GPATCH2L: variants seen among roughly 807,000 people sequenced by gnomAD.
The protein encoded by GPATCH2L is G patch domain-containing protein 2-like.
In GPATCH2L, 31 loss-of-function variants were observed where a neutral mutation model predicts 57.4. That is an observed-to-expected ratio of 0.54 (90% CI 0.41 to 0.73). GPATCH2L has a LOEUF of 0.73. Among genes scored for constraint, GPATCH2L ranks in the 30% least tolerant of loss-of-function variants. The pLI, the probability that GPATCH2L is intolerant of heterozygous loss-of-function variation, is 0.00. For synonymous variants in GPATCH2L, 199 were observed against 210.7 expected (o/e 0.94, Z 0.48); for missense variants, 481 against 599.9 (o/e 0.80, Z 2.07).
At chr14:76,217,202 C>T (rs181807305), downstream of GPATCH2L, among the ~76,000 whole-genome samples, 343 of 152,232 alleles carry the variant, frequency 2.3e-3, 1 homozygote, top group Middle Eastern at 0.01. Flanking sequence ...AAGCTAAGAA[C>T]GGTGTTTTGT....
In GPATCH2L at chr14:76,180,869, G is replaced by A. The variant is rs367926004; in HGVS notation, c.1193+20G>A. ...TGCCAGGTAATTGTCTTTTAGTAGC[G>A]GTTATTTGCTTCTGGACAATACTAT... On this transcript the variant is annotated intron_variant, in intron 8 of 9. Transcript: ENST00000261530. 55 of 1,465,622 alleles carry A rather than the reference G, an allele frequency of 3.8e-5. No homozygotes were observed. The African/African-American group carries it at 4.2e-4, about 11-fold the overall frequency. 90.8% of individuals were successfully genotyped at this position (1,465,622 alleles called of 1,614,324 possible). A position where few individuals can be genotyped will look rare whatever the true frequency, so the allele number is the denominator to read the frequency against.
intron 3 of GPATCH2L, among the ~76,000 whole-genome samples, chr14:76,169,679 AC>A (rs1468136533): frequency 6.6e-6 from 1 of 152,176 alleles, no homozygotes; most frequent in Non-Finnish European, 1.5e-5. Context: ...CTGCTTGAGA[AC>A]CAAAAAAATT....
At chr14:76,173,650 G>T in intron 5 of GPATCH2L, 25 bp downstream of exon 5, 1 of 1,372,096 alleles carries the variant, frequency 7.3e-7, no homozygotes. Context: ...AGTTAGCTTG[G>T]CTCAGTGGGG....
intron 1 of GPATCH2L, among the ~76,000 whole-genome samples, chr14:76,226,172 A>G (rs950359797): frequency 6.6e-6 from 1 of 152,252 alleles, no homozygotes; most frequent in African/African-American, 2.4e-5. Context: ...ACATAACAGT[A>G]CTACATATAA....
At chr14:76,217,753 T>G (rs923435778), downstream of GPATCH2L, among the ~76,000 whole-genome samples, 2 of 152,144 alleles carry the variant, frequency 1.3e-5, no homozygotes, top group African/African-American at 4.8e-5. Flanking sequence ...GTAGAAGAGA[T>G]ATGAGCAGAC....
chr14:76,175,571 A>T (rs2039286149), intron 5 of GPATCH2L: 1 of 152,082 alleles, frequency 6.6e-6, no homozygotes, highest in Non-Finnish European at 1.5e-5. Context: ...CTCATTTTTC[A>T]CCCATCTTTT....
downstream of GPATCH2L, among the ~76,000 whole-genome samples, chr14:76,216,964 G>A (rs1033760951): frequency 6.6e-6 from 1 of 152,046 alleles, no homozygotes; most frequent in African/African-American, 2.4e-5. Flanking sequence ...GAGATAACTG[G>A]ATATAGTTAT....
intron 8 of GPATCH2L, among the ~76,000 whole-genome samples, 181 bp downstream of exon 8, chr14:76,181,030 G>A (rs1319710134): frequency 6.6e-6 from 1 of 152,156 alleles, no homozygotes; most frequent in Non-Finnish European, 1.5e-5. Flanking sequence ...TCTTTCCTGT[G>A]GTCCAAGGCT....
At position 76,202,233 on chromosome 14, in the gene GPATCH2L, A is replaced by C. The variant is rs1392008618; in HGVS notation, c.*382A>C. ...TGTGTAGAGCTTTTAATATCATTTG[A>C]GGAAGTTCCAAATTTGTAGCCAGTT... On this transcript the variant is annotated 3_prime_UTR_variant, in exon 10 of 10. Transcript: ENST00000261530. The C allele has an allele frequency of 6.3e-6, 1 of 159,194 alleles. No individual in the cohort carries two copies. Among genetic ancestry groups the C allele is most frequent in the Non-Finnish European group, 1.4e-5 (1 of 73,066 alleles). 9.9% of individuals were successfully genotyped at this position (159,194 alleles called of 1,614,324 possible). A position where few individuals can be genotyped will look rare whatever the true frequency, so the allele number is the denominator to read the frequency against.
At chr14:76,166,556 T>TAACA in intron 2 of GPATCH2L, 107 bp from the exon 3 acceptor site, 1 of 659,170 alleles carries the variant, frequency 1.5e-6, no homozygotes, top group Non-Finnish European at 2.8e-6. Flanking sequence ...TCTGATTGAC[T>TAACA]AACAGGTTGG....
At chr14:76,224,020 A>G (rs977491075) in intron 1 of GPATCH2L, among the ~76,000 whole-genome samples, 1 of 152,228 alleles carries the variant, frequency 6.6e-6, no homozygotes, top group Admixed American at 6.5e-5. Context: ...GGTAAACAAA[A>G]TGTGGTATAT....
intron 8 of GPATCH2L, among the ~76,000 whole-genome samples, chr14:76,187,941 A>T (rs975332795): frequency 6.6e-6 from 1 of 151,976 alleles, no homozygotes; most frequent in Non-Finnish European, 1.5e-5. Context: ...TGATTTTTAG[A>T]TCCCACAAAT....
At chr14:76,217,414 T>C (rs1415873885), downstream of GPATCH2L, among the ~76,000 whole-genome samples, 1 of 152,028 alleles carries the variant, frequency 6.6e-6, no homozygotes, top group Non-Finnish European at 1.5e-5. Context: ...GCTCTAAGTG[T>C]CCTTCATCTC....
intron 8 of GPATCH2L, among the ~76,000 whole-genome samples, chr14:76,194,505 G>GTGTGTGTGTGTA (rs1555381031): frequency 6.6e-6 from 1 of 151,764 alleles, no homozygotes; most frequent in Non-Finnish European, 1.5e-5. Flanking sequence ...GTGTGTGTGT[G>GTGTGTGTGTGTA]CACGCTCATG....
intron 8 of GPATCH2L, among the ~76,000 whole-genome samples, chr14:76,188,108 C>T (rs1451086065): frequency 6.6e-6 from 1 of 152,082 alleles, no homozygotes; most frequent in East Asian, 1.9e-4. Context: ...TTTTCTTTAT[C>T]CATCATCAGT....
At chr14:76,188,422 A>G (rs1277507952) in intron 8 of GPATCH2L, among the ~76,000 whole-genome samples, 1 of 152,090 alleles carries the variant, frequency 6.6e-6, no homozygotes, top group African/African-American at 2.4e-5. Flanking sequence ...CTGGGGTCAG[A>G]TGATGTCTCA....
chr14:76,229,476 A>G (rs138054004), intron 1 of GPATCH2L, among the ~76,000 whole-genome samples: 26 of 152,272 alleles, frequency 1.7e-4, no homozygotes, highest in African/African-American at 6.0e-4. Flanking sequence ...ACTCTTAGAA[A>G]GTGTTTTCTT....
chr14:76,172,752 A>G (rs1008752755), intron 4 of GPATCH2L, among the ~76,000 whole-genome samples: 6 of 152,254 alleles, frequency 3.9e-5, no homozygotes, highest in African/African-American at 1.4e-4. Context: ...TCAGTTGCCA[A>G]GAGTTTGTTG....
chr14:76,221,647 C>CT (rs1487037082), intron 1 of GPATCH2L, among the ~76,000 whole-genome samples: 2 of 152,042 alleles, frequency 1.3e-5, no homozygotes, highest in Admixed American at 6.6e-5. Flanking sequence ...TTATTTAACT[C>CT]TAAAAAGAAA....
Sources: gnomAD v4.1 joint callset for allele counts (sites outside exome capture counted in the v4.1 genomes callset) on GRCh38, gnomAD v4.1.1 for gene constraint, MANE v1.5 for transcripts, NCBI Gene and HGNC (gene_info 2026-07-23, HGNC 2026-07-21) for gene names.